PCDHGB5: variants seen among roughly 807,000 people sequenced by gnomAD.
PCDHGB5 encodes the protein protocadherin gamma subfamily B, 5.
PCDHGB5 carries 48 observed loss-of-function variants against 62.9 expected under a neutral mutation model. That is an observed-to-expected ratio of 0.76 (90% CI 0.61 to 0.97). The LOEUF is 0.97. Among genes scored for constraint, PCDHGB5 ranks in the 50% least tolerant of loss-of-function variants. The probability of loss-of-function intolerance (pLI) is 0.00; values close to 1 mark genes in which losing one functional copy is unlikely to be tolerated. For synonymous variants in PCDHGB5, 474 were observed against 511.2 expected (o/e 0.93, Z 0.98); for missense variants, 1,118 against 1,198.6 (o/e 0.93, Z 0.99).
chr5:141,447,533 G>T (rs2098541881), intron 1 of PCDHGB5, among the ~76,000 whole-genome samples: 1 of 152,120 alleles, frequency 6.6e-6, no homozygotes, highest in South Asian at 2.1e-4. Flanking sequence ...CAAAATTGTT[G>T]GGTTTTAATG....
At chr5:141,422,053 G>A in intron 1 of PCDHGB5, 1 of 1,611,606 alleles carries the variant, frequency 6.2e-7, no homozygotes, top group Non-Finnish European at 8.5e-7. Context: ...GGGAATCAAC[G>A]GGGAAGTAAT....
Position 141,432,667 on chromosome 5 carries a change from C to T in PCDHGB5, c.2397+32143C>T, listed in dbSNP as rs1312138743. ...CGGCGCGAGCCCTGCTGGACAGAGACGCGCTCAAGCAGAGCCTCGTAGTGG... is the reference window on the plus strand; with the variant it reads ...CGGCGCGAGCCCTGCTGGACAGAGATGCGCTCAAGCAGAGCCTCGTAGTGG... On this transcript the variant is annotated intron_variant, in intron 1 of 3. Transcript: ENST00000617380. This position sits in a 1 kb window ranked among gnomAD's most constrained non-coding sequence, Gnocchi z 6.0. The T allele has an allele frequency of 1.2e-6, 2 of 1,613,876 alleles. No individual in the cohort carries two copies. The highest frequency in any genetic ancestry group is 1.1e-5 in the South Asian group (1 of 91,066).
chr5:141,486,345 A>C lies in PCDHGB5; in HGVS notation c.2398-8462A>C. On this transcript the variant is annotated intron_variant, in intron 1 of 3. Coordinates refer to ENST00000617380, the MANE Select transcript of PCDHGB5 (RefSeq NM_018925.3). This position sits in a 1 kb window ranked among gnomAD's most constrained non-coding sequence, Gnocchi z 5.0. Reference sequence around the variant, plus strand: ...GGAGATGTGAGCCTCCGCATTCCTGACCACTTGCCATTTGCCCTCAAGTCT... The same window carrying C: ...GGAGATGTGAGCCTCCGCATTCCTGCCCACTTGCCATTTGCCCTCAAGTCT... The C allele has an allele frequency of 6.2e-7, 1 of 1,613,940 alleles. No homozygotes were observed. The highest frequency in any genetic ancestry group is 8.5e-7 in the Non-Finnish European group (1 of 1,179,986).
chr5:141,449,936 T>C (rs1016569958), intron 1 of PCDHGB5, among the ~76,000 whole-genome samples: 4 of 151,978 alleles, frequency 2.6e-5, no homozygotes, highest in African/African-American at 9.6e-5. Context: ...CCTTATAGTA[T>C]ATTTTACTAT....
rs2099883868 is a variant in PCDHGB5 at position 141,511,590 on chromosome 5, A to G, written c.*417A>G. On this transcript the variant is annotated 3_prime_UTR_variant, in exon 4 of 4. Transcript: ENST00000617380. The stretch of plus-strand genomic sequence containing the variant: ...AGTAAGGTGGTTGGGGTGTTGAAGT[A>G]CCAAGTAACCTACAAGCCTCCTAGT... 3.7e-6 allele frequency: 1 copy of G among 267,908 alleles called. No individual in the cohort carries two copies. The highest frequency in any genetic ancestry group is 7.4e-6 in the Non-Finnish European group (1 of 135,038). 16.6% of individuals were successfully genotyped at this position (267,908 alleles called of 1,614,324 possible). A position where few individuals can be genotyped will look rare whatever the true frequency, so the allele number is the denominator to read the frequency against.
chr5:141,428,121 G>T (rs764584436), intron 1 of PCDHGB5: 1 of 1,605,860 alleles, frequency 6.2e-7, no homozygotes. Context: ...CATCGAGCCC[G>T]GGCTTTTCAG....
At position 141,485,069 on chromosome 5, in the gene PCDHGB5, G is replaced by A. The variant is rs1185236732; in HGVS notation, c.2398-9738G>A. 1.1e-6 allele frequency: 1 copy of A among 905,912 alleles called. No homozygotes were observed. Among genetic ancestry groups the A allele is most frequent in the Non-Finnish European group, 1.7e-6 (1 of 577,940 alleles). The allele number at this position is 905,912 out of a possible 1,614,324, so 56.1% of individuals were successfully genotyped here. A position where few individuals can be genotyped will look rare whatever the true frequency, so the allele number is the denominator to read the frequency against. On this transcript the variant is annotated intron_variant, in intron 1 of 3. Coordinates refer to ENST00000617380, the MANE Select transcript of PCDHGB5 (RefSeq NM_018925.3). This position sits in a 1 kb window ranked among gnomAD's most constrained non-coding sequence, Gnocchi z 5.7. ...GCGCCGGCCGAACCGCGCCAGAGCTGGCGCGGGGAAAGGGAGATAGGTGTC... is the reference window on the plus strand; with the variant it reads ...GCGCCGGCCGAACCGCGCCAGAGCTAGCGCGGGGAAAGGGAGATAGGTGTC...
chr5:141,430,595 G>A (rs549786394), intron 1 of PCDHGB5: 28 of 567,134 alleles, frequency 4.9e-5, no homozygotes, highest in African/African-American at 3.8e-4. Flanking sequence ...CCTTGCACGC[G>A]CCTGAAGCAC....
intron 2 of PCDHGB5, among the ~76,000 whole-genome samples, chr5:141,500,815 A>G (rs2099802742): frequency 6.6e-6 from 1 of 152,196 alleles, no homozygotes; most frequent in African/African-American, 2.4e-5. Context: ...ATGAATATAC[A>G]TATTATTTTT....
chr5:141,443,167 C>T (rs745545091), intron 1 of PCDHGB5, among the ~76,000 whole-genome samples: 4 of 152,084 alleles, frequency 2.6e-5, no homozygotes, highest in Non-Finnish European at 5.9e-5. Flanking sequence ...TTTCCCTACC[C>T]ATGTCCACTG....
intron 1 of PCDHGB5, among the ~76,000 whole-genome samples, chr5:141,462,538 C>G (rs565849689): frequency 1.3e-5 from 2 of 152,102 alleles, no homozygotes; most frequent in South Asian, 2.1e-4. Context: ...GTTCAGTGAT[C>G]TTTTCTTCTT....
rs371499368 is a variant in PCDHGB5 at position 141,414,269 on chromosome 5, C to T, written c.2397+13745C>T. The stretch of plus-strand genomic sequence containing the variant: ...TTTAGTCCAGTGACTGAAGATTCAC[C>T]TCTGGGAACAGTCGTAGCCCTTTTA... On this transcript the variant is annotated intron_variant, in intron 1 of 3. Coordinates refer to ENST00000617380, the MANE Select transcript of PCDHGB5 (RefSeq NM_018925.3). 8.1e-6 allele frequency: 13 copies of T among 1,613,266 alleles called. No homozygotes were observed. The African/African-American group carries it at 1.6e-4, about 20-fold the overall frequency.
In PCDHGB5 at chr5:141,421,903, G is replaced by T. The variant is rs757656265; in HGVS notation, c.2397+21379G>T. 2.5e-6 allele frequency: 4 copies of T among 1,613,704 alleles called. No homozygotes were observed. In the East Asian group the frequency reaches 6.7e-5, roughly 27 times the overall value. ...TGGAGGCGATCCCATCCGAAAGGGCGCAGTTCCCATTCGTGTGGTGGTCCT... is the reference window on the plus strand; with the variant it reads ...TGGAGGCGATCCCATCCGAAAGGGCTCAGTTCCCATTCGTGTGGTGGTCCT... On this transcript the variant is annotated intron_variant, in intron 1 of 3. Transcript: ENST00000617380.
intron 1 of PCDHGB5, among the ~76,000 whole-genome samples, chr5:141,452,713 T>TGAGG (rs2098747318): frequency 6.7e-6 from 1 of 148,530 alleles, no homozygotes; most frequent in Non-Finnish European, 1.5e-5. Flanking sequence ...AAGGAAGGAA[T>TGAGG]GAGGGAGGGA....
intron 1 of PCDHGB5, chr5:141,405,200 C>T (rs1458944760): frequency 2.5e-6 from 4 of 1,613,508 alleles, no homozygotes; most frequent in Non-Finnish European, 3.4e-6. Flanking sequence ...TCGAGCTTTC[C>T]TACAGACCTA....
chr5:141,497,148 A>G (rs1436451953), intron 2 of PCDHGB5, among the ~76,000 whole-genome samples: 1 of 152,122 alleles, frequency 6.6e-6, no homozygotes, highest in Non-Finnish European at 1.5e-5. Context: ...ATCACGAAAA[A>G]AAAATAATCT....
chr5:141,507,754 C>T (rs1488474557), intron 3 of PCDHGB5, among the ~76,000 whole-genome samples: 7 of 152,242 alleles, frequency 4.6e-5, no homozygotes, highest in Admixed American at 2.0e-4. Flanking sequence ...GTCAAGGCCT[C>T]CCACCTTTGG....
At position 141,476,580 on chromosome 5, in the gene PCDHGB5, C is replaced by T. The variant is rs1463314107; in HGVS notation, c.2398-18227C>T. 6 of 1,614,126 alleles carry T rather than the reference C, an allele frequency of 3.7e-6. No homozygotes were observed. Among genetic ancestry groups the T allele is most frequent in the Non-Finnish European group, 5.1e-6 (6 of 1,180,052 alleles). The stretch of plus-strand genomic sequence containing the variant: ...GCCGTGGCTCCGGGGACGCGCTTTC[C>T]GCTCGAGAGCGCGCACGATCCCGAT... On this transcript the variant is annotated intron_variant, in intron 1 of 3. Transcript: ENST00000617380. This position sits in a 1 kb window ranked among gnomAD's most constrained non-coding sequence, Gnocchi z 7.6.
intron 1 of PCDHGB5, among the ~76,000 whole-genome samples, chr5:141,448,706 C>T (rs1344013319): frequency 1.3e-5 from 2 of 151,730 alleles, no homozygotes; most frequent in African/African-American, 2.4e-5. Flanking sequence ...TTTGGGAGGC[C>T]GAGGCGGGAG....
Sources: allele counts gnomAD v4.1 joint callset (sites outside exome capture counted in the v4.1 genomes callset), GRCh38; gene constraint gnomAD v4.1.1; non-coding constraint Gnocchi (gnomAD v3.1); transcripts MANE v1.5; gene names NCBI Gene and HGNC (gene_info 2026-07-23, HGNC 2026-07-21).